The following STON2 variants were observed in gnomAD, a reference collection of about 807,000 sequenced individuals.
The protein encoded by STON2 is stonin 2.
In STON2, 29 loss-of-function variants were observed where a neutral mutation model predicts 65.7. That is an observed-to-expected ratio of 0.44 (90% confidence interval 0.33 to 0.60). STON2 has a LOEUF of 0.60. STON2 is among the 20% of genes least tolerant of loss of function. The pLI is 0.03. For synonymous variants in STON2, 404 were observed against 414.2 expected (o/e 0.98, Z 0.30); for missense variants, 1,054 against 1,118.1 (o/e 0.94, Z 0.82).
intron 4 of STON2, among the ~76,000 whole-genome samples, chr14:81,349,170 T>C (rs1897930281): frequency 6.6e-6 from 1 of 152,116 alleles, no homozygotes; most frequent in Non-Finnish European, 1.5e-5. Context: ...CCCCACGGCA[T>C]TGGTCTAGGC....
intron 5 of STON2, among the ~76,000 whole-genome samples, chr14:81,310,273 T>C (rs1896372208): frequency 6.6e-6 from 1 of 152,252 alleles, no homozygotes; most frequent in South Asian, 2.1e-4. Context: ...GTAAATATAG[T>C]ACCATCCTGC....
At chr14:81,389,576 G>A (rs1899981819) in intron 3 of STON2, among the ~76,000 whole-genome samples, 1 of 152,220 alleles carries the variant, frequency 6.6e-6, no homozygotes, top group African/African-American at 2.4e-5. Context: ...AAAAGCACGA[G>A]AGGGCCATTT....
chr14:81,261,543 A>G lies in STON2; in HGVS notation c.*6871T>C, dbSNP rs1894145080. ...GATGTTACTAAGAGACAACGAGGAT[A>G]CAGAGGGGACTGTCCCTTTTCTCTC... On this transcript the variant is annotated 3_prime_UTR_variant, in exon 8 of 8. Coordinates refer to ENST00000614646, the MANE Select transcript of STON2 (RefSeq NM_001394390.1). 2.8e-6 allele frequency: 1 copy of G among 363,442 alleles called. No individual in the cohort carries two copies. Among genetic ancestry groups the G allele is most frequent in the Non-Finnish European group, 4.8e-6 (1 of 207,000 alleles). 22.5% of individuals were successfully genotyped at this position (363,442 alleles called of 1,614,324 possible).
At chr14:81,396,258 T>C in intron 2 of STON2, 80 bp from the exon 3 acceptor site, 1 of 1,436,356 alleles carries the variant, frequency 7.0e-7, no homozygotes, top group Non-Finnish European at 9.4e-7. Flanking sequence ...AAACTAAGGA[T>C]GACCATGGGG....
intron 5 of STON2, among the ~76,000 whole-genome samples, chr14:81,321,023 C>T (rs991814309): frequency 6.6e-6 from 1 of 152,176 alleles, no homozygotes; most frequent in African/African-American, 2.4e-5. Context: ...CCCTTCTTTA[C>T]CCACCCTTGC....
intron 3 of STON2, among the ~76,000 whole-genome samples, chr14:81,384,441 G>T (rs1436445830): frequency 6.6e-6 from 1 of 152,028 alleles, no homozygotes; most frequent in Non-Finnish European, 1.5e-5. Flanking sequence ...TCACTATGTT[G>T]GCCAGGCTGG....
At chr14:81,387,987 T>C (rs1340776923) in intron 3 of STON2, among the ~76,000 whole-genome samples, 3 of 138,556 alleles carry the variant, frequency 2.2e-5, no homozygotes, top group Non-Finnish European at 4.7e-5. Flanking sequence ...TCTCACTCTG[T>C]CACCCAGGCT....
At chr14:81,413,536 C>T (rs1265503058) in intron 2 of STON2, among the ~76,000 whole-genome samples, 1 of 140,024 alleles carries the variant, frequency 7.1e-6, no homozygotes, top group Non-Finnish European at 1.5e-5. Context: ...TGGCTCATGC[C>T]TGTAATCTCA....
At chr14:81,397,500 A>C (rs940608102) in intron 2 of STON2, among the ~76,000 whole-genome samples, 2 of 152,292 alleles carry the variant, frequency 1.3e-5, no homozygotes, top group South Asian at 4.1e-4. Context: ...CCCAATTCAG[A>C]CTTGTCACAT....
intron 4 of STON2, among the ~76,000 whole-genome samples, chr14:81,326,616 G>T (rs1025500564): frequency 1.3e-5 from 2 of 152,110 alleles, no homozygotes; most frequent in African/African-American, 4.8e-5. Context: ...ATACAAGTTA[G>T]AACAGGCATT....
intron 4 of STON2, among the ~76,000 whole-genome samples, chr14:81,357,945 G>A (rs1399524165): frequency 1.3e-5 from 2 of 150,068 alleles, no homozygotes; most frequent in Admixed American, 6.6e-5. Context: ...GCTAGATGAC[G>A]AGTTAGTGGG....
intron 4 of STON2, among the ~76,000 whole-genome samples, chr14:81,359,702 A>T (rs1039395086): frequency 6.6e-6 from 1 of 152,180 alleles, no homozygotes; most frequent in African/African-American, 2.4e-5. Flanking sequence ...AACTAATCAC[A>T]GAAATACAAA....
In STON2 at chr14:81,321,896, C is replaced by T. The variant is rs546863998; in HGVS notation, c.742+2121G>A. On this transcript the variant is annotated intron_variant, in intron 5 of 7. Transcript: ENST00000614646. ...TCCCATGGAAACTGGACCATACAGG[C>T]GATCAAGGCCCTTTGATTTGGTCAA... 3.9e-5 allele frequency among the ~76,000 whole-genome samples: 6 copies of T among 152,120 alleles called. 1 individual carries two copies. Among genetic ancestry groups the T allele is most frequent in the Non-Finnish European group, 7.4e-5 (5 of 68,016 alleles).
chr14:81,436,427 A>C (rs3853423), exon 1 of STON2: 103,793 of 151,424 alleles, frequency 0.69, 37,004 homozygotes, highest in African/African-American at 0.88. Flanking sequence ...TCTCGCCACG[A>C]TCCCTCCCGG....
chr14:81,398,204 C>A, intron 2 of STON2, 91 bp downstream of exon 2: 1 of 861,288 alleles, frequency 1.2e-6, no homozygotes, highest in Non-Finnish European at 1.8e-6. Flanking sequence ...ATATTAAGAT[C>A]CCACCCAAAG....
chr14:81,310,975 C>A (rs1896402146), intron 5 of STON2, among the ~76,000 whole-genome samples: 1 of 152,128 alleles, frequency 6.6e-6, no homozygotes, highest in Admixed American at 6.5e-5. Flanking sequence ...TATGGTGAGT[C>A]AACGGGTGCC....
chr14:81,396,646 G>A (rs529610924), intron 2 of STON2, among the ~76,000 whole-genome samples: 1 of 152,306 alleles, frequency 6.6e-6, no homozygotes, highest in African/African-American at 2.4e-5. Context: ...AGGACACCAG[G>A]TGCAAACCCA....
intron 5 of STON2, among the ~76,000 whole-genome samples, chr14:81,295,548 G>A (rs1895731060): frequency 6.6e-6 from 1 of 152,166 alleles, no homozygotes; most frequent in Admixed American, 6.5e-5. Context: ...AGTAACCACA[G>A]AATAGGGGAA....
chr14:81,366,134 C>G (rs959932964), intron 4 of STON2, among the ~76,000 whole-genome samples: 2 of 152,214 alleles, frequency 1.3e-5, no homozygotes, highest in Non-Finnish European at 2.9e-5. Flanking sequence ...GCTCTGCCCC[C>G]CCGCACCCTG....
Sources: gnomAD v4.1 joint callset for allele counts (sites outside exome capture counted in the v4.1 genomes callset) on GRCh38, gnomAD v4.1.1 for gene constraint, MANE v1.5 for transcripts, NCBI Gene and HGNC (gene_info 2026-07-23, HGNC 2026-07-21) for gene names.